SH3GL3: variants seen among roughly 807,000 people sequenced by gnomAD.
SH3GL3 encodes SH3 domain containing GRB2 like 3, endophilin A3, also known as endophilin-A3.
In SH3GL3, 33 loss-of-function variants were observed where a neutral mutation model predicts 47.7. That is an observed-to-expected ratio of 0.69 (90% CI 0.52 to 0.92). The LOEUF is 0.92. Among genes scored for constraint, SH3GL3 ranks in the 40% least tolerant of loss-of-function variants. SH3GL3 has a pLI of 0.00. For missense variants in SH3GL3, 363 were observed against 417.8 expected (o/e 0.87, Z 1.14); for synonymous variants, 155 against 148.8 (o/e 1.04, Z -0.30).
intron 1 of SH3GL3, among the ~76,000 whole-genome samples, chr15:83,460,214 C>G (rs1245468694): frequency 6.6e-6 from 1 of 151,326 alleles, no homozygotes; most frequent in East Asian, 1.9e-4. Context: ...GATCCTCTCA[C>G]TTTAGTGTCC....
chr15:83,574,444 G>C (rs554540431), intron 5 of SH3GL3, among the ~76,000 whole-genome samples: 1 of 152,010 alleles, frequency 6.6e-6, no homozygotes, highest in Non-Finnish European at 1.5e-5. Flanking sequence ...CACCTCCTCA[G>C]GGCCGTTGTG....
chr15:83,556,877 A>G (rs2044987117), intron 1 of SH3GL3, among the ~76,000 whole-genome samples: 1 of 152,182 alleles, frequency 6.6e-6, no homozygotes, highest in Non-Finnish European at 1.5e-5. Flanking sequence ...TGAGGGCTTG[A>G]TGGCCCGAGG....
At chr15:83,486,805 T>C (rs899073846) in intron 1 of SH3GL3, among the ~76,000 whole-genome samples, 4 of 152,182 alleles carry the variant, frequency 2.6e-5, no homozygotes, top group African/African-American at 9.7e-5. Flanking sequence ...AAGTCCAAGA[T>C]CAAGGCACTG....
chr15:83,585,841 G>A (rs1009769460), intron 6 of SH3GL3, among the ~76,000 whole-genome samples: 4 of 152,180 alleles, frequency 2.6e-5, no homozygotes, highest in Non-Finnish European at 5.9e-5. Context: ...TATTGAGCCC[G>A]TGTTTAAAAT....
intron 1 of SH3GL3, among the ~76,000 whole-genome samples, chr15:83,450,823 A>T (rs1417224770): frequency 6.4e-4 from 15 of 23,326 alleles, no homozygotes; most frequent in Non-Finnish European, 7.0e-4. Flanking sequence ...TTTCTATTAT[A>T]CTCTAAGTTT....
intron 5 of SH3GL3, among the ~76,000 whole-genome samples, chr15:83,574,466 CCT>C (rs1233481452): frequency 6.6e-6 from 1 of 152,130 alleles, no homozygotes; most frequent in Non-Finnish European, 1.5e-5. Flanking sequence ...CATCCATCGT[CCT>C]CTCTGGTGTA....
chr15:83,476,221 T>C (rs2041089311), intron 1 of SH3GL3, among the ~76,000 whole-genome samples: 1 of 152,210 alleles, frequency 6.6e-6, no homozygotes, highest in Non-Finnish European at 1.5e-5. Flanking sequence ...TGCTGAAGTT[T>C]ATACAGTTGG....
chr15:83,499,362 G>C (rs2042204631), intron 1 of SH3GL3, among the ~76,000 whole-genome samples: 1 of 148,460 alleles, frequency 6.7e-6, no homozygotes, highest in African/African-American at 2.5e-5. Flanking sequence ...TAAAATGAAA[G>C]GCACTCCAGC....
In SH3GL3 at chr15:83,618,249, A is replaced by G. The variant is rs1481677769; in HGVS notation, c.1006A>G (p.Ile336Val). 1 of 1,612,096 alleles carries G rather than the reference A, an allele frequency of 6.2e-7. No homozygotes were observed. The highest frequency in any genetic ancestry group is 1.7e-5 in the Admixed American group (1 of 60,028). The change falls in exon 9 of 9, where the codon ATT becomes GTT. Residue 336 changes from isoleucine to valine, a missense_variant. Physicochemically the swap from Ile to Val is conservative, Grantham distance 29. Coordinates refer to ENST00000427482, the MANE Select transcript of SH3GL3 (RefSeq NM_003027.5). ...ACACGGAGAATCGGGATTCTTCCCC[A>G]TTAATTACGTGGAAGTGATCGTGCC... ...MIHGESGFFP[I>V]NYVEVIVPLP...
chr15:83,541,724 G>A (rs2044175784), intron 1 of SH3GL3, among the ~76,000 whole-genome samples: 1 of 152,084 alleles, frequency 6.6e-6, no homozygotes, highest in African/African-American at 2.4e-5. Context: ...GTGATGTTGA[G>A]CATCTTTTCA....
intron 1 of SH3GL3, among the ~76,000 whole-genome samples, chr15:83,513,858 G>T (rs1313335503): frequency 6.6e-6 from 1 of 152,184 alleles, no homozygotes. Flanking sequence ...CATCATAAAT[G>T]AATGCTTATG....
intron 1 of SH3GL3, among the ~76,000 whole-genome samples, chr15:83,545,464 T>G (rs2044350655): frequency 6.6e-6 from 1 of 152,246 alleles, no homozygotes; most frequent in Admixed American, 6.5e-5. Context: ...ACAGTTCTTT[T>G]GAATTCTTTG....
intron 1 of SH3GL3, among the ~76,000 whole-genome samples, chr15:83,524,484 C>G (rs1299375653): frequency 6.6e-6 from 1 of 152,096 alleles, no homozygotes; most frequent in Non-Finnish European, 1.5e-5. Flanking sequence ...GGGTATCTAT[C>G]GCCTTTGTAT....
downstream of SH3GL3, among the ~76,000 whole-genome samples, chr15:83,622,108 T>G (rs1486674147): frequency 6.6e-6 from 1 of 152,238 alleles, no homozygotes; most frequent in Non-Finnish European, 1.5e-5. Context: ...ACATTTTACC[T>G]GAATAAACCC....
intron 2 of SH3GL3, among the ~76,000 whole-genome samples, chr15:83,564,543 G>A (rs754916519): frequency 2.8e-4 from 43 of 152,180 alleles, no homozygotes; most frequent in Non-Finnish European, 4.7e-4. Flanking sequence ...GTCCAGGAAT[G>A]GTTTTGCAGA....
chr15:83,478,130 G>C (rs1283270510), intron 1 of SH3GL3, among the ~76,000 whole-genome samples: 1 of 152,038 alleles, frequency 6.6e-6, no homozygotes, highest in Non-Finnish European at 1.5e-5. Context: ...GAAGGGACAG[G>C]GTCTAGTCAT....
intron 1 of SH3GL3, among the ~76,000 whole-genome samples, chr15:83,505,609 C>T (rs528266979): frequency 6.7e-6 from 1 of 149,610 alleles, no homozygotes; most frequent in Admixed American, 6.7e-5. Context: ...CTCACTGCAA[C>T]CTCTACCTCC....
intron 5 of SH3GL3, among the ~76,000 whole-genome samples, chr15:83,575,219 T>C (rs542027456): frequency 6.6e-6 from 1 of 152,296 alleles, no homozygotes; most frequent in South Asian, 2.1e-4. Context: ...ACCAAATGCC[T>C]CCTTTGCTGA....
chr15:83,450,904 A>C (rs1311593881), intron 1 of SH3GL3, among the ~76,000 whole-genome samples: 3 of 130,116 alleles, frequency 2.3e-5, no homozygotes, highest in African/African-American at 8.7e-5. Context: ...CGCTGCACCC[A>C]CTAAAGTGTC....
Sources: allele counts gnomAD v4.1 joint callset (sites outside exome capture counted in the v4.1 genomes callset), GRCh38; gene constraint gnomAD v4.1.1; transcripts MANE v1.5; gene names NCBI Gene and HGNC (gene_info 2026-07-23, HGNC 2026-07-21).